The following RGS7BP variants were observed in gnomAD, a reference collection of about 807,000 sequenced individuals.
The protein encoded by RGS7BP is regulator of G protein signaling 7 binding protein, also known as regulator of G protein signaling 7-binding protein.
A neutral mutation model predicts 31.3 loss-of-function variants in RGS7BP; 9 were observed. That is an observed-to-expected ratio of 0.29 (90% CI 0.17 to 0.50). The LOEUF (loss-of-function observed/expected upper bound fraction) is 0.50. RGS7BP is among the 20% of genes least tolerant of loss of function. RGS7BP has a pLI of 0.98. For synonymous variants in RGS7BP, 115 were observed against 120.1 expected (o/e 0.96, Z 0.28); for missense variants, 274 against 322.0 (o/e 0.85, Z 1.14).
At chr5:64,575,600 C>T in intron 2 of RGS7BP, 174 bp from the exon 3 acceptor site, 2 of 1,217,770 alleles carry the variant, frequency 1.6e-6, no homozygotes, top group Non-Finnish European at 2.1e-6. Flanking sequence ...CAGAAAGAGA[C>T]TTACATAAGA....
At chr5:64,569,643 G>A (rs904327315) in intron 2 of RGS7BP, among the ~76,000 whole-genome samples, 2 of 152,070 alleles carry the variant, frequency 1.3e-5, no homozygotes, top group Admixed American at 1.3e-4. Flanking sequence ...GTAGATGTAT[G>A]GGACCACCTT....
chr5:64,539,620 G>A (rs1741473622), intron 2 of RGS7BP: 1 of 152,148 alleles, frequency 6.6e-6, no homozygotes, highest in African/African-American at 2.4e-5. Context: ...TCTGTACTAA[G>A]TTTGGCATCA....
chr5:64,591,945 T>C (rs1026692104), intron 3 of RGS7BP, among the ~76,000 whole-genome samples: 1 of 152,152 alleles, frequency 6.6e-6, no homozygotes, highest in African/African-American at 2.4e-5. Context: ...CCTATGAAGT[T>C]TGGAGATGAG....
intron 3 of RGS7BP, among the ~76,000 whole-genome samples, chr5:64,582,174 C>T (rs1006095880): frequency 3.9e-5 from 6 of 152,206 alleles, no homozygotes; most frequent in African/African-American, 1.4e-4. Context: ...TTTCCCATTA[C>T]TGAGTCCATG....
At position 64,506,830 on chromosome 5, in the gene RGS7BP, A is replaced by C; in HGVS notation, c.165+41A>C. 51 of 1,394,292 alleles carry C rather than the reference A, an allele frequency of 3.7e-5. No homozygotes were observed. The highest frequency in any genetic ancestry group is 4.4e-5 in the Non-Finnish European group (45 of 1,021,758). 86.4% of individuals were successfully genotyped at this position (1,394,292 alleles called of 1,614,324 possible). A position where few individuals can be genotyped will look rare whatever the true frequency, so the allele number is the denominator to read the frequency against. On this transcript the variant is annotated intron_variant, in intron 1 of 5. Coordinates refer to ENST00000334025, the MANE Select transcript of RGS7BP (RefSeq NM_001029875.3). The surrounding 1 kb of genome is among the most constrained non-coding windows in gnomAD (Gnocchi z 4.6). ...GCCTCTTTTTTTTTTTTTTTAATTG[A>C]GAGGGGGTGGGGGGAGTCATGTATG... is the stretch of plus-strand genomic sequence containing the variant.
chr5:64,597,593 C>T (rs1432479894), intron 4 of RGS7BP, among the ~76,000 whole-genome samples: 3 of 151,280 alleles, frequency 2.0e-5, no homozygotes, highest in Non-Finnish European at 4.4e-5. Flanking sequence ...TAACAAGAGA[C>T]TATTAAAACC....
At chr5:64,595,400 G>A (rs553399516) in intron 4 of RGS7BP, among the ~76,000 whole-genome samples, 1 of 152,114 alleles carries the variant, frequency 6.6e-6, no homozygotes, top group Non-Finnish European at 1.5e-5. Context: ...TCTCCACAAG[G>A]TGGCTGATGG....
Position 64,609,153 on chromosome 5 carries a change from C to T in RGS7BP, c.683-8C>T. The T allele has an allele frequency of 1.3e-6, 2 of 1,578,526 alleles. No homozygotes were observed. The highest frequency in any genetic ancestry group is 1.7e-6 in the Non-Finnish European group (2 of 1,147,998). ...CCTCACTTATGTGCACATTATGTCCCATCACAGATGACAGCAGCCTTCTGA... is the reference window on the plus strand; with the variant it reads ...CCTCACTTATGTGCACATTATGTCCTATCACAGATGACAGCAGCCTTCTGA... On this transcript the variant is annotated splice_region_variant and splice_polypyrimidine_tract_variant and intron_variant, in intron 5 of 5. Transcript: ENST00000334025.
chr5:64,547,905 A>C (rs536674265), intron 2 of RGS7BP, among the ~76,000 whole-genome samples: 5 of 152,256 alleles, frequency 3.3e-5, no homozygotes, highest in African/African-American at 1.2e-4. Context: ...AAGAATGCTA[A>C]TAGGCCTTTT....
At chr5:64,543,214 A>C (rs1436991170) in intron 2 of RGS7BP, among the ~76,000 whole-genome samples, 1 of 152,238 alleles carries the variant, frequency 6.6e-6, no homozygotes, top group Non-Finnish European at 1.5e-5. Context: ...TTGTGTATTG[A>C]GCCAGACTGT....
intron 5 of RGS7BP, among the ~76,000 whole-genome samples, chr5:64,599,307 G>C (rs1220581206): frequency 6.6e-6 from 1 of 152,208 alleles, no homozygotes. Flanking sequence ...GGTGGAGAAA[G>C]GCTTCTAGGA....
intron 2 of RGS7BP, among the ~76,000 whole-genome samples, chr5:64,569,291 C>CA (rs200651739): frequency 0.042 from 6,274 of 149,548 alleles, 435 homozygotes; most frequent in African/African-American, 0.14. Flanking sequence ...TCTCTATGAA[C>CA]AAAAAAAAAC....
At chr5:64,545,358 A>G (rs1741630648) in intron 2 of RGS7BP, among the ~76,000 whole-genome samples, 1 of 152,066 alleles carries the variant, frequency 6.6e-6, no homozygotes. Context: ...GCACATGTAT[A>G]ATATGTAACA....
rs551626818 is a variant in RGS7BP, at chr5:64,510,157, C to T, written c.332+2280C>T. ...AGAGAGAAGAACTGGATTTCTTGCGCGCCCACTATTTGTCATCACAACCCA... is the reference window on the plus strand; with the variant it reads ...AGAGAGAAGAACTGGATTTCTTGCGTGCCCACTATTTGTCATCACAACCCA... On this transcript the variant is annotated intron_variant, in intron 2 of 5. Coordinates refer to ENST00000334025, the MANE Select transcript of RGS7BP (RefSeq NM_001029875.3). Among the ~76,000 whole-genome samples, 12 of 152,240 alleles carry T rather than the reference C, an allele frequency of 7.9e-5. No individual in the cohort carries two copies. In the South Asian group the frequency reaches 8.3e-4, roughly 11 times the overall value.
At chr5:64,562,689 C>T (rs1373443617) in intron 2 of RGS7BP, among the ~76,000 whole-genome samples, 1 of 152,114 alleles carries the variant, frequency 6.6e-6, no homozygotes, top group Non-Finnish European at 1.5e-5. Context: ...TAGCCTTGTC[C>T]CTTTGAAAAC....
intron 2 of RGS7BP, among the ~76,000 whole-genome samples, chr5:64,527,713 T>C (rs73109058): frequency 0.023 from 3,392 of 147,724 alleles, 72 homozygotes; most frequent in African/African-American, 0.058. Flanking sequence ...TAGAATACAG[T>C]ACAAACATAA....
intron 2 of RGS7BP, among the ~76,000 whole-genome samples, chr5:64,513,404 G>T (rs754002265): frequency 2.0e-5 from 3 of 151,990 alleles, no homozygotes; most frequent in Non-Finnish European, 4.4e-5. Context: ...TTTTGGTTTT[G>T]ATTTGTGTTT....
At chr5:64,515,560 T>C (rs958371169) in intron 2 of RGS7BP, among the ~76,000 whole-genome samples, 1 of 152,008 alleles carries the variant, frequency 6.6e-6, no homozygotes, top group African/African-American at 2.4e-5. Flanking sequence ...GCCCTGAGAG[T>C]TTGGTTGTGT....
chr5:64,539,422 G>T (rs887143683), intron 2 of RGS7BP: 3 of 152,116 alleles, frequency 2.0e-5, no homozygotes, highest in Non-Finnish European at 2.9e-5. Context: ...TGTGCTTCTG[G>T]TGTCTTATTT....
Sources: gnomAD v4.1 joint callset for allele counts (sites outside exome capture counted in the v4.1 genomes callset) on GRCh38, gnomAD v4.1.1 for gene constraint, Gnocchi (gnomAD v3.1) non-coding constraint, MANE v1.5 for transcripts, NCBI Gene and HGNC (gene_info 2026-07-23, HGNC 2026-07-21) for gene names.